The following NISCH variants were observed in gnomAD, a reference collection of about 807,000 sequenced individuals.
The protein encoded by NISCH is I-1 receptor candidate protein.
NISCH carries 55 observed loss-of-function variants against 138.4 expected under a neutral mutation model. The observed-to-expected ratio is 0.40, with a 90% CI of 0.32 to 0.50. The LOEUF (loss-of-function observed/expected upper bound fraction) is 0.50. Ranked by LOEUF, NISCH falls within the 20% of genes least tolerant of loss-of-function variation. The pLI is 0.71. For synonymous variants in NISCH, 860 were observed against 861.5 expected, an observed-to-expected ratio of 1.00 and a Z score of 0.03; for missense variants, 1,643 against 2,005.5, an observed-to-expected ratio of 0.82 and a Z score of 3.45.
chr3:52,485,964 A>G lies in NISCH; in HGVS notation c.1703+137A>G, dbSNP rs1216202804. ...GGCCTATAGAACTATTTCTTCCTCT[A>G]AAGAGACACAGATGAGATGGACTTT... On this transcript the variant is annotated intron_variant, in intron 15 of 20. Transcript: ENST00000345716. 6 of 742,050 alleles carry G rather than the reference A, an allele frequency of 8.1e-6. No individual in the cohort carries two copies. The East Asian group carries it at 8.3e-5, about 10-fold the overall frequency. The allele number at this position is 742,050 out of a possible 1,614,324, so 46.0% of individuals were successfully genotyped here. A position where few individuals can be genotyped will look rare whatever the true frequency, so the allele number is the denominator to read the frequency against.
At position 52,491,404 on chromosome 3, in the gene NISCH, G is replaced by T; in HGVS notation, c.3795G>T (p.Thr1265=). ...VTCLTRDSYL[T]HCFLQHLMVV... The stretch of plus-strand genomic sequence containing the variant: ...GCTTGACGCGGGACAGCTACCTGAC[G>T]CACTGCTTCCTCCAGCACCTCATGG... The change falls in exon 20 of 21, where the codon ACG becomes ACT. Residue 1265 remains threonine (T), a synonymous_variant. Coordinates refer to ENST00000345716, the MANE Select transcript of NISCH (RefSeq NM_007184.4). The T allele has an allele frequency of 6.2e-7, 1 of 1,613,258 alleles. No homozygotes were observed. Among genetic ancestry groups the T allele is most frequent in the Non-Finnish European group, 8.5e-7 (1 of 1,179,940 alleles).
At chr3:52,481,047 C>G (rs1578302220) in intron 13 of NISCH, 2 of 1,355,974 alleles carry the variant, frequency 1.5e-6, no homozygotes, top group East Asian at 5.6e-5. Context: ...GGTGTGAGGT[C>G]TTGGGAAAAC....
Position 52,492,301 on chromosome 3 carries a change from G to A in NISCH, c.4334G>A (p.Ser1445Asn), listed in dbSNP as rs377582481. The change falls in exon 21 of 21, where the codon AGT becomes AAT. Residue 1445 changes from serine to asparagine, a missense_variant. By Grantham distance (46) the Ser-to-Asn change is conservative (BLOSUM62 1). Transcript: ENST00000345716. ...DDVQGHDLMG[S>N]VTLDHFGEVP... ...GTGCAAGGTCATGACCTCATGGGCA[G>A]TGTCACCCTGGACCACTTTGGGGAG... The A allele has an allele frequency of 3.7e-5, 59 of 1,613,314 alleles. No individual in the cohort carries two copies. The African/African-American group carries it at 4.7e-4, about 13-fold the overall frequency.
intron 12 of NISCH, 108 bp downstream of exon 12, chr3:52,479,970 T>C: frequency 9.8e-7 from 1 of 1,017,518 alleles, no homozygotes; most frequent in Non-Finnish European, 1.5e-6. Flanking sequence ...GAGTCCCAGC[T>C]GCGCCCCTCC....
chr3:52,482,595 C>T (rs1239150038), intron 13 of NISCH, among the ~76,000 whole-genome samples: 2 of 152,196 alleles, frequency 1.3e-5, no homozygotes, highest in Admixed American at 6.5e-5. Context: ...CTAAGAGGCA[C>T]GCATTTCCAC....
chr3:52,470,088 T>TAAA (rs79193522), intron 3 of NISCH, among the ~76,000 whole-genome samples: 2 of 129,824 alleles, frequency 1.5e-5, no homozygotes, highest in Admixed American at 7.8e-5. Flanking sequence ...TGTCTCTATT[T>TAAA]AAAAAAAAAA....
intron 3 of NISCH, among the ~76,000 whole-genome samples, chr3:52,464,641 C>T (rs4687615): frequency 3.6e-4 from 55 of 150,816 alleles, no homozygotes; most frequent in African/African-American, 1.3e-3. Context: ...TCTCGTGCCT[C>T]GGCCTCCCAA....
chr3:52,480,558 T>C (rs1374997573), intron 13 of NISCH: 4 of 1,456,966 alleles, frequency 2.7e-6, no homozygotes, highest in South Asian at 2.8e-5. Context: ...GCAGGGTGTC[T>C]GACAGGCCCT....
chr3:52,492,880 TA>T lies in NISCH; in HGVS notation c.*400del. 1 of 234,086 alleles carries T rather than the reference TA, an allele frequency of 4.3e-6. No homozygotes were observed. The highest frequency in any genetic ancestry group is 2.3e-5 in the African/African-American group (1 of 44,224). 14.5% of individuals were successfully genotyped at this position (234,086 alleles called of 1,614,324 possible). ...GCTGTTGCTGTTGGCATCTTGCTGC[TA>T]ATCCTGAGGCTGGTAGCAGAATGCA... On this transcript the variant is annotated 3_prime_UTR_variant, in exon 21 of 21. Coordinates refer to ENST00000345716, the MANE Select transcript of NISCH (RefSeq NM_007184.4).
intron 1 of NISCH, 109 bp from the exon 2 acceptor site, chr3:52,457,734 G>A (rs972460291): frequency 2.3e-6 from 2 of 884,540 alleles, no homozygotes; most frequent in Non-Finnish European, 3.8e-6. Context: ...CAGAGAGAAA[G>A]ACTGATAAAA....
rs200757695 is a variant in NISCH at position 52,478,432 on chromosome 3, G to C, written c.1174-17G>C. 6 of 1,614,208 alleles carry C rather than the reference G, an allele frequency of 3.7e-6. No individual in the cohort carries two copies. The Admixed American group carries it at 1.0e-4, about 27-fold the overall frequency. On this transcript the variant is annotated splice_polypyrimidine_tract_variant and intron_variant, in intron 10 of 20. Transcript: ENST00000345716. The stretch of plus-strand genomic sequence containing the variant: ...TTAAGAGAAGGGACCAAAGGGGATG[G>C]AACTCATACCTTGCAGATGGAGGAG...
At chr3:52,478,336 G>T in intron 10 of NISCH, 54 bp downstream of exon 10, 1 of 1,607,268 alleles carries the variant, frequency 6.2e-7, no homozygotes, top group Non-Finnish European at 8.5e-7. Context: ...TGTGTATCAT[G>T]TTAAAGAAGA....
At chr3:52,464,146 C>T (rs1268730790) in intron 3 of NISCH, among the ~76,000 whole-genome samples, 1 of 151,406 alleles carries the variant, frequency 6.6e-6, no homozygotes, top group Admixed American at 6.6e-5. Flanking sequence ...GCCTGTAATC[C>T]CAGCACTTTG....
At chr3:52,471,383 C>T in intron 4 of NISCH, 1 of 277,520 alleles carries the variant, frequency 3.6e-6, no homozygotes. Context: ...GACCAAGCAG[C>T]AGTCAGTTGG....
chr3:52,484,504 T>G lies in NISCH; in HGVS notation c.1529-9T>G. 4 of 1,212,674 alleles carry G rather than the reference T, an allele frequency of 3.3e-6. No individual in the cohort carries two copies. Among genetic ancestry groups the G allele is most frequent in the Non-Finnish European group, 4.4e-6 (4 of 905,502 alleles). 75.1% of individuals were successfully genotyped at this position (1,212,674 alleles called of 1,614,324 possible). Reference sequence around the variant, plus strand: ...CTGCCTGCCTGCCCACCCGCCCTGGTCTCTCCAGGAATCATGTTCGTTCAG... The same window carrying G: ...CTGCCTGCCTGCCCACCCGCCCTGGGCTCTCCAGGAATCATGTTCGTTCAG... On this transcript the variant is annotated splice_polypyrimidine_tract_variant and intron_variant, in intron 13 of 20. Coordinates refer to ENST00000345716, the MANE Select transcript of NISCH (RefSeq NM_007184.4).
At chr3:52,464,330 G>A (rs1327707299) in intron 3 of NISCH, among the ~76,000 whole-genome samples, 1 of 151,678 alleles carries the variant, frequency 6.6e-6, no homozygotes, top group Admixed American at 6.6e-5. Context: ...TCTGAGAGGC[G>A]AAGATTGCAA....
chr3:52,464,964 G>C lies in NISCH; in HGVS notation c.361-5895G>C, dbSNP rs1042681420. 6.6e-5 allele frequency among the ~76,000 whole-genome samples: 10 copies of C among 151,466 alleles called. No homozygotes were observed. In the South Asian group the frequency reaches 2.1e-3, roughly 32 times the overall value. ...ATAACAGGCGTAAGCCACCATGCCC[G>C]GCCATCTTTTCATTTTCTTGATGGT... is the stretch of plus-strand genomic sequence containing the variant. On this transcript the variant is annotated intron_variant, in intron 3 of 20. Transcript: ENST00000345716.
In NISCH at chr3:52,491,962, T is replaced by C. The variant is rs1707576983; in HGVS notation, c.3995T>C (p.Val1332Ala). 6.2e-7 allele frequency: 1 copy of C among 1,613,546 alleles called. No individual in the cohort carries two copies. Among genetic ancestry groups the C allele is most frequent in the Non-Finnish European group, 8.5e-7 (1 of 1,180,030 alleles). ...EEEIGDLTFT[V>A]AQKMAEPEKA... Reference sequence around the variant, plus strand: ...GAGATTGGGGACCTGACGTTCACTGTGGCCCAAAAGATGGCTGAGCCAGAG... The same window carrying C: ...GAGATTGGGGACCTGACGTTCACTGCGGCCCAAAAGATGGCTGAGCCAGAG... The change falls in exon 21 of 21, where the codon GTG becomes GCG. Residue 1332 changes from valine (V) to alanine (A), a missense_variant. Physicochemically the swap from Val to Ala is moderately conservative, Grantham distance 64. Transcript: ENST00000345716.
At chr3:52,485,508 C>T (rs1254015384) in intron 14 of NISCH, among the ~76,000 whole-genome samples, 1 of 152,214 alleles carries the variant, frequency 6.6e-6, no homozygotes, top group African/African-American at 2.4e-5. Context: ...TGCTGGATCC[C>T]TGGAGAGTGG....
Sources: allele counts gnomAD v4.1 joint callset (sites outside exome capture counted in the v4.1 genomes callset), GRCh38; gene constraint gnomAD v4.1.1; transcripts MANE v1.5; gene names NCBI Gene and HGNC (gene_info 2026-07-23, HGNC 2026-07-21).